Variants in PCDHA11 observed in about 807,000 individuals in gnomAD.
PCDHA11 encodes protocadherin alpha-11.
PCDHA11 carries 61 observed loss-of-function variants against 70.3 expected under a neutral mutation model. The ratio of observed to expected loss-of-function variants is 0.87; its 90% CI spans 0.71 to 1.07. The LOEUF (loss-of-function observed/expected upper bound fraction) is 1.07. Among genes scored for constraint, PCDHA11 ranks in the 50% least tolerant of loss-of-function variants. The pLI, the probability that PCDHA11 is intolerant of heterozygous loss-of-function variation, is 0.00. For missense variants in PCDHA11, 1,324 were observed against 1,237.5 expected, an observed-to-expected ratio of 1.07 and a Z score of -1.05; for synonymous variants, 633 against 555.1, an observed-to-expected ratio of 1.14 and a Z score of -1.97.
At position 140,909,867 on chromosome 5, in the gene PCDHA11, C is replaced by T. The variant is rs544055697; in HGVS notation, c.2391+38373C>T. Among the ~76,000 whole-genome samples the T allele has an allele frequency of 2.8e-4, 43 of 152,282 alleles. 1 individual carries two copies. The highest frequency in any genetic ancestry group is 4.9e-4 in the Non-Finnish European group (33 of 68,020). On this transcript the variant is annotated intron_variant, in intron 1 of 3. Coordinates refer to ENST00000398640, the MANE Select transcript of PCDHA11 (RefSeq NM_018902.5). ...GACGTTTTCGGTCCCCTGGAGTCAA[C>T]GTCAGCTTAGAGACACTGTTCAGTA...
intron 1 of PCDHA11, among the ~76,000 whole-genome samples, chr5:140,909,044 T>C (rs538559353): frequency 6.6e-6 from 1 of 152,336 alleles, no homozygotes; most frequent in South Asian, 2.1e-4. Context: ...TTCCATACTC[T>C]GGCATGCAAA....
intron 1 of PCDHA11, chr5:140,882,363 A>G: frequency 1.2e-6 from 2 of 1,614,208 alleles, no homozygotes; most frequent in South Asian, 1.1e-5. Context: ...GGCCAGCTCC[A>G]CTACTCCGTC....
intron 1 of PCDHA11, among the ~76,000 whole-genome samples, chr5:140,957,462 T>C (rs574379806): frequency 8.3e-4 from 126 of 152,308 alleles, no homozygotes; most frequent in African/African-American, 2.9e-3. Context: ...ATCATAGGTA[T>C]GTATGTATAG....
At chr5:140,967,692 G>A (rs781940460) in intron 1 of PCDHA11, 12 of 1,614,196 alleles carry the variant, frequency 7.4e-6, no homozygotes, top group South Asian at 1.1e-5. Flanking sequence ...CAGCTCTTCA[G>A]CATAGATGCC....
At chr5:140,905,036 T>A (rs2071554831) in intron 1 of PCDHA11, among the ~76,000 whole-genome samples, 1 of 152,222 alleles carries the variant, frequency 6.6e-6, no homozygotes, top group Non-Finnish European at 1.5e-5. Flanking sequence ...AGCTTTTTAG[T>A]TTAATTAGGT....
At chr5:140,877,745 T>C (rs1554170071) in intron 1 of PCDHA11, 3 of 1,614,108 alleles carry the variant, frequency 1.9e-6, no homozygotes, top group Non-Finnish European at 2.5e-6. Context: ...AGGCAGAGGG[T>C]GTGCTCTGCA....
At chr5:140,956,200 GA>G (rs1385482287) in intron 1 of PCDHA11, among the ~76,000 whole-genome samples, 1 of 152,152 alleles carries the variant, frequency 6.6e-6, no homozygotes, top group Non-Finnish European at 1.5e-5. Flanking sequence ...TAGGAGTGGT[GA>G]AAGAGGGCAT....
In PCDHA11 at chr5:140,968,167, A is replaced by G. The variant is rs782252124; in HGVS notation, c.2392-10782A>G. 1.3e-4 allele frequency: 217 copies of G among 1,613,958 alleles called. 1 individual carries two copies. The highest frequency in any genetic ancestry group is 9.3e-6 in the Non-Finnish European group (11 of 1,180,038). On this transcript the variant is annotated intron_variant, in intron 1 of 3. Transcript: ENST00000398640. ...TCTCTGACATCAATGACAATCCACC[A>G]AGCTTCCTGGAGGACTCCTATTCCA...
intron 3 of PCDHA11, among the ~76,000 whole-genome samples, chr5:140,984,861 C>T (rs1163314869): frequency 6.6e-6 from 1 of 151,870 alleles, no homozygotes; most frequent in Non-Finnish European, 1.5e-5. Flanking sequence ...ATAATAACAC[C>T]TATTTTATTG....
intron 1 of PCDHA11, among the ~76,000 whole-genome samples, chr5:140,917,117 C>T (rs1318149439): frequency 3.3e-5 from 5 of 152,018 alleles, no homozygotes; most frequent in South Asian, 2.1e-4. Flanking sequence ...CCTCCAAGTG[C>T]GCAGACTCCC....
rs782644238 is a variant in PCDHA11 at position 140,883,107 on chromosome 5, C to A, written c.2391+11613C>A. ...GGTACAAATGGAGATATAGTTTACT[C>A]ATTTAGAAGGCCTGTATGGCCTGCA... On this transcript the variant is annotated intron_variant, in intron 1 of 3. Transcript: ENST00000398640. 15 of 1,614,064 alleles carry A rather than the reference C, an allele frequency of 9.3e-6. No homozygotes were observed. The East Asian group carries it at 3.1e-4, about 34-fold the overall frequency.
chr5:140,941,202 C>CCTTTCTTCCTTCCTTT (rs1394736170), intron 1 of PCDHA11, among the ~76,000 whole-genome samples: 7 of 122,740 alleles, frequency 5.7e-5, no homozygotes, highest in African/African-American at 1.5e-4. Context: ...TTTCTTTCTT[C>CCTTTCTTCCTTCCTTT]CTTTCTTTCT....
chr5:140,967,204 G>C, intron 1 of PCDHA11: 10 of 1,613,634 alleles, frequency 6.2e-6, no homozygotes, highest in Non-Finnish European at 8.5e-6. Context: ...ACAACTCACC[G>C]CGTTTCCCGC....
chr5:140,884,821 G>A, intron 1 of PCDHA11: 2 of 1,011,756 alleles, frequency 2.0e-6, no homozygotes, highest in South Asian at 2.2e-5. Flanking sequence ...TGGACATTAT[G>A]TGTTGGATTA....
At chr5:140,915,861 G>A (rs2077339820) in intron 1 of PCDHA11, among the ~76,000 whole-genome samples, 1 of 152,182 alleles carries the variant, frequency 6.6e-6, no homozygotes, top group African/African-American at 2.4e-5. Flanking sequence ...AGCCAAGTTT[G>A]CATCCTTCCC....
At position 140,869,086 on chromosome 5, in the gene PCDHA11, A is replaced by G. The variant is rs1554162467; in HGVS notation, c.-18A>G. On this transcript the variant is annotated 5_prime_UTR_variant, in exon 1 of 4. Coordinates refer to ENST00000398640, the MANE Select transcript of PCDHA11 (RefSeq NM_018902.5). Reference sequence around the variant, plus strand: ...GTAAGTGTAAAGAAGCTTATTTTGGAAGCCAATTTCGTATGCGATGTTTGG... The same window carrying G: ...GTAAGTGTAAAGAAGCTTATTTTGGGAGCCAATTTCGTATGCGATGTTTGG... 6.3e-7 allele frequency: 1 copy of G among 1,584,176 alleles called. No individual in the cohort carries two copies. Among genetic ancestry groups the G allele is most frequent in the African/African-American group, 1.4e-5 (1 of 73,644 alleles).
intron 1 of PCDHA11, among the ~76,000 whole-genome samples, chr5:140,906,185 A>G (rs574875890): frequency 2.8e-4 from 43 of 152,270 alleles, no homozygotes; most frequent in African/African-American, 1.0e-3. Flanking sequence ...GCATCCTTCA[A>G]TCCAATCAAG....
At chr5:140,940,940 G>T (rs187772223) in intron 1 of PCDHA11, among the ~76,000 whole-genome samples, 1 of 152,254 alleles carries the variant, frequency 6.6e-6, no homozygotes, top group Non-Finnish European at 1.5e-5. Context: ...CTTAGACTAC[G>T]TATTCTCAGA....
intron 1 of PCDHA11, among the ~76,000 whole-genome samples, chr5:140,905,243 T>C (rs962108553): frequency 7.2e-5 from 11 of 152,184 alleles, no homozygotes; most frequent in Non-Finnish European, 1.5e-4. Context: ...CCAGTTTCAT[T>C]CTTCCACATG....
Sources: gnomAD v4.1 joint callset for allele counts (sites outside exome capture counted in the v4.1 genomes callset) on GRCh38, gnomAD v4.1.1 for gene constraint, MANE v1.5 for transcripts, NCBI Gene and HGNC (gene_info 2026-07-23, HGNC 2026-07-21) for gene names.